GNPAT: variants seen among roughly 807,000 people sequenced by gnomAD.
GNPAT encodes the protein glyceronephosphate O-acyltransferase.
GNPAT carries 30 observed loss-of-function variants against 78.4 expected under a neutral mutation model. The observed-to-expected ratio is 0.38, with a 90% CI of 0.29 to 0.52. The LOEUF (loss-of-function observed/expected upper bound fraction) is 0.52. Among genes scored for constraint, GNPAT ranks in the 20% least tolerant of loss-of-function variants. The pLI is 0.84. For missense variants in GNPAT, 714 were observed against 812.2 expected, an observed-to-expected ratio of 0.88 and a Z score of 1.47; for synonymous variants, 271 against 281.1, an observed-to-expected ratio of 0.96 and a Z score of 0.36.
At chr1:231,241,842 G>A (rs534142719) in intron 1 of GNPAT, among the ~76,000 whole-genome samples, 3 of 152,300 alleles carry the variant, frequency 2.0e-5, no homozygotes, top group East Asian at 3.9e-4. Flanking sequence ...GGTTTGACCC[G>A]CCCTGAGATA....
chr1:231,277,375 G>A, intron 15 of GNPAT, 124 bp from the exon 16 acceptor site: 1 of 743,798 alleles, frequency 1.3e-6, no homozygotes. Flanking sequence ...ATGGGTACTG[G>A]CCAGCCTGTG....
rs1157956754 is a variant in GNPAT, at chr1:231,277,877, AT to A, written c.*336del. 4.8e-6 allele frequency: 1 copy of A among 206,248 alleles called. No individual in the cohort carries two copies. The highest frequency in any genetic ancestry group is 9.8e-6 in the Non-Finnish European group (1 of 101,738). 12.8% of individuals were successfully genotyped at this position (206,248 alleles called of 1,614,324 possible). A position where few individuals can be genotyped will look rare whatever the true frequency, so the allele number is the denominator to read the frequency against. On this transcript the variant is annotated 3_prime_UTR_variant, in exon 16 of 16. Transcript: ENST00000366647. ...TTTATGTTGACTTTTGAATTAAAGT[AT>A]GACAACACTGAAAGCTCTGGATATT...
At chr1:231,271,828 C>T (rs1006807326) in intron 10 of GNPAT, among the ~76,000 whole-genome samples, 4 of 152,136 alleles carry the variant, frequency 2.6e-5, no homozygotes, top group South Asian at 2.1e-4. Flanking sequence ...TAGGGCCGGG[C>T]GCAGTGGCTC....
At position 231,267,519 on chromosome 1, in the gene GNPAT, T is replaced by C. The variant is rs474297; in HGVS notation, c.1056-161T>C. 0.55 allele frequency among the ~76,000 whole-genome samples: 83,031 copies of C among 151,930 alleles called. 22,859 individuals carry two copies. The highest frequency in any genetic ancestry group is 0.62 in the East Asian group (3,175 of 5,146). On this transcript the variant is annotated intron_variant, in intron 8 of 15. Transcript: ENST00000366647. ...GATATTCCAGAAATGTATGGTCAGATTACACTATAGTAAAGCAAAGGAATA... is the reference window on the plus strand; with the variant it reads ...GATATTCCAGAAATGTATGGTCAGACTACACTATAGTAAAGCAAAGGAATA...
intron 3 of GNPAT, among the ~76,000 whole-genome samples, chr1:231,260,999 G>C (rs1045060096): frequency 3.3e-5 from 5 of 152,138 alleles, no homozygotes; most frequent in Non-Finnish European, 5.9e-5. Flanking sequence ...GAAATACAAA[G>C]AATTCCTGTA....
At chr1:231,266,904 A>G (rs1461839910) in intron 8 of GNPAT, among the ~76,000 whole-genome samples, 1 of 152,242 alleles carries the variant, frequency 6.6e-6, no homozygotes, top group Non-Finnish European at 1.5e-5. Context: ...TTTCTTAATT[A>G]GGAGAAATAT....
At chr1:231,267,427 T>C (rs1200726817) in intron 8 of GNPAT, among the ~76,000 whole-genome samples, 3 of 152,166 alleles carry the variant, frequency 2.0e-5, no homozygotes, top group Non-Finnish European at 4.4e-5. Context: ...GCAACAAAAG[T>C]TTTTTGCCTG....
chr1:231,277,637 C>T lies in GNPAT; in HGVS notation c.*95C>T. On this transcript the variant is annotated 3_prime_UTR_variant, in exon 16 of 16. Transcript: ENST00000366647. ...AGGGAAGTAAAGGAAGAGACACATC[C>T]TCTCATACTCCCTGAGACTCTGAGA... The T allele has an allele frequency of 1.3e-6, 1 of 793,792 alleles. No individual in the cohort carries two copies. Among genetic ancestry groups the T allele is most frequent in the South Asian group, 1.4e-5 (1 of 73,926 alleles). 49.2% of individuals were successfully genotyped at this position (793,792 alleles called of 1,614,324 possible). A position where few individuals can be genotyped will look rare whatever the true frequency, so the allele number is the denominator to read the frequency against.
In GNPAT at chr1:231,266,169, C is replaced by G; in HGVS notation, c.924+4C>G. 1 of 1,612,926 alleles carries G rather than the reference C, an allele frequency of 6.2e-7. No homozygotes were observed. The highest frequency in any genetic ancestry group is 8.5e-7 in the Non-Finnish European group (1 of 1,179,144). On this transcript the variant is annotated splice_donor_region_variant and intron_variant, in intron 7 of 15. Transcript: ENST00000366647. ...TAAACCAAAAGAGTCTACAACTGTA[C>G]GTGAGCTTGATTTTAGCTTAATTGA... is the stretch of plus-strand genomic sequence containing the variant.
intron 2 of GNPAT, 107 bp downstream of exon 2, chr1:231,251,250 A>G (rs1228866641): frequency 1.2e-5 from 8 of 677,852 alleles, no homozygotes; most frequent in Admixed American, 5.0e-5. Context: ...GCTGAGCTGT[A>G]TTCATCACAT....
chr1:231,265,283 T>C lies in GNPAT; in HGVS notation c.569-10T>C, dbSNP rs767441060. The C allele has an allele frequency of 3.1e-6, 5 of 1,602,140 alleles. No individual in the cohort carries two copies. In the African/African-American group the frequency reaches 6.7e-5, roughly 21 times the overall value. ...AGATCTGCAAATAAATATTATCCCC[T>C]CTTTTTTAGACTTCCTGGGAATGAA... On this transcript the variant is annotated splice_polypyrimidine_tract_variant and intron_variant, in intron 4 of 15. Coordinates refer to ENST00000366647, the MANE Select transcript of GNPAT (RefSeq NM_014236.4).
intron 9 of GNPAT, among the ~76,000 whole-genome samples, chr1:231,270,385 C>A (rs1685526522): frequency 6.6e-6 from 1 of 152,134 alleles, no homozygotes; most frequent in Admixed American, 6.5e-5. Context: ...AGTATTCTTA[C>A]ATTCCCGTGC....
intron 2 of GNPAT, among the ~76,000 whole-genome samples, chr1:231,253,569 C>A (rs544995542): frequency 6.6e-6 from 1 of 152,240 alleles, no homozygotes; most frequent in South Asian, 2.1e-4. Context: ...GAGCTGTGCT[C>A]CTATTCCTTT....
chr1:231,275,227 T>G lies in GNPAT; in HGVS notation c.1750T>G (p.Cys584Gly). The stretch of plus-strand genomic sequence containing the variant: ...TCCTTCCTCTTAAAATCAGATAATT[T>G]GCAAGTACCTTTTGAGTGAAGAAGA... ...KPFVESYQII[C>G]KYLLSEEEDH... The change falls in exon 13 of 16, where the codon TGC becomes GGC. Residue 584 changes from cysteine to glycine, a missense_variant. Cys to Gly is a radical substitution (Grantham distance 159). Transcript: ENST00000366647. The G allele has an allele frequency of 6.3e-7, 1 of 1,591,764 alleles. No homozygotes were observed. Among genetic ancestry groups the G allele is most frequent in the Non-Finnish European group, 8.6e-7 (1 of 1,159,508 alleles).
intron 6 of GNPAT, 44 bp downstream of exon 6, chr1:231,265,831 A>G (rs971798995): frequency 6.6e-6 from 8 of 1,210,332 alleles, no homozygotes; most frequent in Non-Finnish European, 8.6e-6. Flanking sequence ...ACCCAAAGAC[A>G]TCAGCTGCTA....
chr1:231,252,799 G>A (rs1300639990), intron 2 of GNPAT, among the ~76,000 whole-genome samples: 2 of 151,856 alleles, frequency 1.3e-5, no homozygotes, highest in African/African-American at 4.8e-5. Context: ...AACTCATTCA[G>A]AATTGCAGTA....
rs1288743848 is a variant in GNPAT at position 231,267,701 on chromosome 1, T to G, written c.1077T>G (p.Ser359=). Residue 359 remains serine, a synonymous_variant, in exon 9 of 16, where the codon TCT becomes TCG. Transcript: ENST00000366647. ...LVPRYIPQKQ[S]EDMHAFVTEV... ...TTAGATACATTCCTCAGAAACAGTC[T>G]GAGGACATGCATGCCTTTGTCACTG... 15 of 1,597,886 alleles carry G rather than the reference T, an allele frequency of 9.4e-6. No individual in the cohort carries two copies. The highest frequency in any genetic ancestry group is 2.7e-5 in the African/African-American group (2 of 74,558).
chr1:231,242,862 C>A (rs1417578016), intron 1 of GNPAT, among the ~76,000 whole-genome samples: 2 of 152,218 alleles, frequency 1.3e-5, no homozygotes, highest in South Asian at 4.1e-4. Context: ...TTCTGTAGTT[C>A]TGATGCTGGA....
chr1:231,264,256 G>C (rs1188178160), intron 4 of GNPAT, among the ~76,000 whole-genome samples: 1 of 152,040 alleles, frequency 6.6e-6, no homozygotes, highest in African/African-American at 2.4e-5. Flanking sequence ...TTGGTTTTTT[G>C]AGTTAATTTT....
Sources: gnomAD v4.1 joint callset for allele counts (sites outside exome capture counted in the v4.1 genomes callset) on GRCh38, gnomAD v4.1.1 for gene constraint, MANE v1.5 for transcripts, NCBI Gene and HGNC (gene_info 2026-07-23, HGNC 2026-07-21) for gene names.